The following MEF2C variants were observed in gnomAD, a reference collection of about 807,000 sequenced individuals.
MEF2C encodes myocyte enhancer factor 2C.
MEF2C carries 6 observed loss-of-function variants against 50.5 expected under a neutral mutation model. The observed-to-expected ratio is 0.12, with a 90% CI of 0.07 to 0.23. The LOEUF (loss-of-function observed/expected upper bound fraction) is 0.23. Ranked by LOEUF, MEF2C falls within the 10% of genes least tolerant of loss-of-function variation. The probability of loss-of-function intolerance (pLI) is 1.00; values close to 1 mark genes in which losing one functional copy is unlikely to be tolerated. For synonymous variants in MEF2C, 183 were observed against 228.0 expected (o/e 0.80, Z 1.78); for missense variants, 276 against 605.0 (o/e 0.46, Z 5.70).
At chr5:88,788,748 T>C (rs1405089548) in intron 3 of MEF2C, among the ~76,000 whole-genome samples, 2 of 152,222 alleles carry the variant, frequency 1.3e-5, no homozygotes, top group Non-Finnish European at 2.9e-5. Context: ...CAGATCTATG[T>C]CTTTTCATCT....
upstream of MEF2C, among the ~76,000 whole-genome samples, chr5:88,886,225 G>A (rs1172264444): frequency 1.3e-5 from 2 of 152,214 alleles, no homozygotes; most frequent in Non-Finnish European, 2.9e-5. Context: ...AATCACCTGA[G>A]ATTTAAAATT....
At chr5:88,766,308 T>C (rs1780022703) in intron 3 of MEF2C, among the ~76,000 whole-genome samples, 1 of 152,216 alleles carries the variant, frequency 6.6e-6, no homozygotes. Context: ...CTCTCATTTC[T>C]TGTTTTAGGC....
At chr5:88,776,178 G>T (rs1364064065) in intron 3 of MEF2C, among the ~76,000 whole-genome samples, 1 of 151,900 alleles carries the variant, frequency 6.6e-6, no homozygotes, top group Non-Finnish European at 1.5e-5. Context: ...CTGTTATGAT[G>T]AACTTTTCCC....
intron 1 of MEF2C, among the ~76,000 whole-genome samples, chr5:88,854,207 A>C (rs1379923198): frequency 1.3e-5 from 2 of 152,174 alleles, no homozygotes; most frequent in East Asian, 3.8e-4. Context: ...ATGTATTAGG[A>C]TACAATAAAT....
chr5:88,899,059 A>G (rs1430176330), intron 1 of MEF2C, among the ~76,000 whole-genome samples: 1 of 152,168 alleles, frequency 6.6e-6, no homozygotes, highest in African/African-American at 2.4e-5. Flanking sequence ...AAAAATATTA[A>G]ATGACCATTC....
In MEF2C at chr5:88,804,697, C is replaced by T; in HGVS notation, c.159G>A (p.Lys53=). 6.2e-7 allele frequency: 1 copy of T among 1,614,154 alleles called. No individual in the cohort carries two copies. ...IALIIFNSTN[K]LFQYASTDMD... Reference sequence around the variant, plus strand: ...TGTCGGTGCTGGCATACTGGAACAGCTTGTTGGTGCTGTTGAAGATGATCA... The same window carrying T: ...TGTCGGTGCTGGCATACTGGAACAGTTTGTTGGTGCTGTTGAAGATGATCA... Residue 53 remains lysine, a synonymous_variant, in exon 3 of 11, where the codon AAG becomes AAA. Coordinates refer to ENST00000504921, the MANE Select transcript of MEF2C (RefSeq NM_002397.5).
Position 88,802,973 on chromosome 5 carries a change from A to T in MEF2C, c.258+1625T>A, listed in dbSNP as rs536373139. Reference sequence around the variant, plus strand: ...CAACTCAAATTCTTTTGTTACCCTGACTTTTGTTATAATGGTTTTAGTAAT... The same window carrying T: ...CAACTCAAATTCTTTTGTTACCCTGTCTTTTGTTATAATGGTTTTAGTAAT... On this transcript the variant is annotated intron_variant, in intron 3 of 10. Transcript: ENST00000504921. 6.6e-5 allele frequency among the ~76,000 whole-genome samples: 10 copies of T among 152,242 alleles called. No individual in the cohort carries two copies. The South Asian group carries it at 2.1e-3, about 32-fold the overall frequency.
chr5:88,855,670 G>A (rs1030646238), intron 1 of MEF2C, among the ~76,000 whole-genome samples: 1 of 152,152 alleles, frequency 6.6e-6, no homozygotes, highest in Non-Finnish European at 1.5e-5. Context: ...GTTCTCATGA[G>A]ATCTGATGGT....
At chr5:88,849,704 A>G (rs577709613) in intron 1 of MEF2C, among the ~76,000 whole-genome samples, 3 of 152,312 alleles carry the variant, frequency 2.0e-5, no homozygotes, top group East Asian at 1.9e-4. Flanking sequence ...CAAATCCAGT[A>G]TACTCTAGAT....
At chr5:88,788,284 T>C (rs1039745517) in intron 3 of MEF2C, among the ~76,000 whole-genome samples, 1 of 152,094 alleles carries the variant, frequency 6.6e-6, no homozygotes, top group African/African-American at 2.4e-5. Flanking sequence ...TACTGCAACC[T>C]CCGCCTCCCG....
At chr5:88,746,202 G>A (rs1422189) in intron 6 of MEF2C, among the ~76,000 whole-genome samples, 16,024 of 152,188 alleles carry the variant, frequency 0.11, 984 homozygotes, top group Non-Finnish European at 0.14. Flanking sequence ...CAGTCCTGGG[G>A]AGACTGAAGC....
chr5:88,750,246 C>A (rs1772068252), intron 5 of MEF2C: 1 of 263,774 alleles, frequency 3.8e-6, no homozygotes, highest in African/African-American at 2.3e-5. Context: ...CTCTGTTGCC[C>A]AGGCTGGAGT....
chr5:88,878,975 T>C (rs1187976122), intron 1 of MEF2C, among the ~76,000 whole-genome samples: 1 of 151,966 alleles, frequency 6.6e-6, no homozygotes, highest in South Asian at 2.1e-4. Context: ...TAGTAAGATA[T>C]TGTGATGGTC....
intron 3 of MEF2C, chr5:88,769,881 T>C: frequency 2.4e-6 from 2 of 828,818 alleles, no homozygotes; most frequent in Non-Finnish European, 2.9e-6. Context: ...CTTGACCTCA[T>C]GTAATCCACC....
At chr5:88,820,313 G>A (rs766201357) in intron 2 of MEF2C, among the ~76,000 whole-genome samples, 3 of 151,786 alleles carry the variant, frequency 2.0e-5, no homozygotes, top group Admixed American at 6.6e-5. Flanking sequence ...ACTATTTTAC[G>A]TATTGATGTT....
In MEF2C at chr5:88,722,409, T is replaced by C; in HGVS notation, c.*195A>G. 1 of 560,160 alleles carries C rather than the reference T, an allele frequency of 1.8e-6. No homozygotes were observed. The highest frequency in any genetic ancestry group is 3.2e-6 in the Non-Finnish European group (1 of 317,458). The allele number at this position is 560,160 out of a possible 1,614,324, so 34.7% of individuals were successfully genotyped here. ...CTGTTGTACAACTCAAGTGCTAAGC[T>C]TATCTCAGCATTTCTGTTTATCTTT... On this transcript the variant is annotated 3_prime_UTR_variant, in exon 11 of 11. Transcript: ENST00000504921.
chr5:88,869,274 T>C (rs948814855), intron 1 of MEF2C, among the ~76,000 whole-genome samples: 29 of 46,116 alleles, frequency 6.3e-4, no homozygotes, highest in African/African-American at 8.4e-4. Flanking sequence ...TATATATATA[T>C]ATACATATAT....
chr5:88,790,827 T>C (rs1036205202), intron 3 of MEF2C, among the ~76,000 whole-genome samples: 1 of 152,112 alleles, frequency 6.6e-6, no homozygotes, highest in African/African-American at 2.4e-5. Context: ...CAGCTGGAGG[T>C]ACAGAGATGA....
intron 3 of MEF2C, chr5:88,766,527 C>CT (rs1379468511): frequency 9.4e-6 from 5 of 533,430 alleles, no homozygotes; most frequent in Non-Finnish European, 1.2e-5. Context: ...TAAAATTCAG[C>CT]TTTTTTTCAG....
Sources: gnomAD v4.1 joint callset for allele counts (sites outside exome capture counted in the v4.1 genomes callset) on GRCh38, gnomAD v4.1.1 for gene constraint, MANE v1.5 for transcripts, NCBI Gene and HGNC (gene_info 2026-07-23, HGNC 2026-07-21) for gene names.